ALOX5: variants seen among roughly 807,000 people sequenced by gnomAD.
ALOX5 encodes arachidonate 5-lipoxygenase, also known as polyunsaturated fatty acid 5-lipoxygenase.
A neutral mutation model predicts 87.9 loss-of-function variants in ALOX5; 64 were observed. That is an observed-to-expected ratio of 0.73 (90% CI 0.60 to 0.90). The LOEUF (loss-of-function observed/expected upper bound fraction) is 0.90, where lower values mean the gene tolerates loss of function less well. Among genes scored for constraint, ALOX5 ranks in the 40% least tolerant of loss-of-function variants. The pLI, the probability that ALOX5 is intolerant of heterozygous loss-of-function variation, is 0.00. For synonymous variants in ALOX5, 388 were observed against 355.1 expected, an observed-to-expected ratio of 1.09 and a Z score of -1.04; for missense variants, 822 against 907.5, an observed-to-expected ratio of 0.91 and a Z score of 1.21.
chr10:45,443,632 C>T (rs1399788587), intron 11 of ALOX5, 95 bp downstream of exon 11: 2 of 1,594,444 alleles, frequency 1.3e-6, no homozygotes, highest in African/African-American at 1.3e-5. Context: ...CCAGGGTGCC[C>T]TCCGGCCTTG....
rs776084947 is a variant in ALOX5, at chr10:45,444,230, C to G, written c.1789C>G (p.Arg597Gly). The G allele has an allele frequency of 6.4e-7, 1 of 1,554,980 alleles. No homozygotes were observed. Among genetic ancestry groups the G allele is most frequent in the South Asian group, 1.2e-5 (1 of 84,388 alleles). The stretch of plus-strand genomic sequence containing the variant: ...CGTGGACACGCTGCCCGACCGCGGC[C>G]GCTCCTGCTGGCATCTGGGTGCAGT... The part of the protein sequence containing the change: ...QIVDTLPDRG[R>G]SCWHLGAVWA... Residue 597 changes from arginine (R) to glycine (G), a missense_variant, in exon 13 of 14, where the codon CGC becomes GGC. Transcript: ENST00000374391.
rs867140835 is a variant in ALOX5 at position 45,382,570 on chromosome 10, G to T, written c.238G>T (p.Asp80Tyr). The T allele has an allele frequency of 2.5e-6, 4 of 1,614,054 alleles. No individual in the cohort carries two copies. The highest frequency in any genetic ancestry group is 8.5e-7 in the Non-Finnish European group (1 of 1,180,050). Residue 80 changes from aspartate (D) to tyrosine (Y), a missense_variant, in exon 2 of 14, where the codon GAC becomes TAC. Asp to Tyr is a radical substitution (Grantham distance 160). Transcript: ENST00000374391. Reference sequence around the variant, plus strand: ...GAAGCGCAAGTACTGGCTGAATGACGACTGGTACCTGAAGTACATCACGCT... The same window carrying T: ...GAAGCGCAAGTACTGGCTGAATGACTACTGGTACCTGAAGTACATCACGCT... ...IEKRKYWLND[D>Y]WYLKYITLKT... is the part of the protein sequence containing the mutation.
chr10:45,394,170 A>G (rs1050186897), intron 2 of ALOX5, among the ~76,000 whole-genome samples: 7 of 152,218 alleles, frequency 4.6e-5, no homozygotes, highest in South Asian at 2.1e-4. Context: ...CAAAAGAACA[A>G]AGCTGGAGGC....
chr10:45,443,603 C>A lies in ALOX5; in HGVS notation c.1573+66C>A, dbSNP rs1006606881. The stretch of plus-strand genomic sequence containing the variant: ...GTCGGCAGCGCTGGCCCCTCCGCCA[C>A]CCCTCCGGGGTGTCCTGCCCAGGGT... On this transcript the variant is annotated intron_variant, in intron 11 of 13. Transcript: ENST00000374391. 4 of 1,595,248 alleles carry A rather than the reference C, an allele frequency of 2.5e-6. No homozygotes were observed. In the South Asian group the frequency reaches 3.4e-5, roughly 13 times the overall value.
intron 7 of ALOX5, among the ~76,000 whole-genome samples, chr10:45,432,256 A>T (rs542636240): frequency 1.3e-5 from 2 of 151,416 alleles, no homozygotes; most frequent in Admixed American, 1.3e-4. Flanking sequence ...ACTGCTCAGG[A>T]GGCTGAGGTG....
chr10:45,439,592 G>A (rs1298111654), intron 7 of ALOX5, among the ~76,000 whole-genome samples: 1 of 152,238 alleles, frequency 6.6e-6, no homozygotes, highest in African/African-American at 2.4e-5. Context: ...GTGCAGGGCT[G>A]CTGGCATGGA....
intron 7 of ALOX5, among the ~76,000 whole-genome samples, chr10:45,438,557 A>G (rs569622603): frequency 2.7e-5 from 4 of 150,850 alleles, no homozygotes; most frequent in African/African-American, 9.8e-5. Flanking sequence ...AACATGTCAG[A>G]GCATGTGGGG....
At chr10:45,399,036 A>G (rs923695103) in intron 3 of ALOX5, among the ~76,000 whole-genome samples, 2 of 152,252 alleles carry the variant, frequency 1.3e-5, no homozygotes, top group African/African-American at 2.4e-5. Flanking sequence ...ACCTGTAACT[A>G]TCAAAAAGTG....
chr10:45,412,041 G>C, intron 3 of ALOX5, 150 bp from the exon 4 acceptor site: 1 of 1,185,976 alleles, frequency 8.4e-7, no homozygotes, highest in Non-Finnish European at 1.2e-6. Context: ...AACCTTACTG[G>C]ACACAGGGTC....
chr10:45,376,573 G>A (rs759497084), intron 1 of ALOX5, among the ~76,000 whole-genome samples: 7 of 152,150 alleles, frequency 4.6e-5, no homozygotes, highest in Admixed American at 3.3e-4. Flanking sequence ...AGAAGACAAG[G>A]TTATCCCATT....
At chr10:45,428,378 A>G (rs2132817470) in intron 6 of ALOX5, 1 of 552,450 alleles carries the variant, frequency 1.8e-6, no homozygotes, top group Middle Eastern at 4.7e-4. Context: ...GGTTTCAGAC[A>G]CCACAAATGC....
chr10:45,379,049 AC>A (rs1839735557), intron 1 of ALOX5, among the ~76,000 whole-genome samples: 2 of 151,832 alleles, frequency 1.3e-5, no homozygotes, highest in South Asian at 4.2e-4. Flanking sequence ...CTGGAGGGTC[AC>A]CCCACTGTCC....
chr10:45,382,462 A>T, intron 1 of ALOX5, 21 bp from the exon 2 acceptor site: 1 of 1,613,944 alleles, frequency 6.2e-7, no homozygotes, highest in Non-Finnish European at 8.5e-7. Context: ...GCATGGCCTG[A>T]TTGCCTGTTC....
intron 3 of ALOX5, among the ~76,000 whole-genome samples, chr10:45,404,343 T>C (rs1840802834): frequency 2.0e-5 from 3 of 152,324 alleles, no homozygotes; most frequent in South Asian, 4.1e-4. Flanking sequence ...GTCCACACTA[T>C]GTCAGAAAGC....
chr10:45,443,369 C>A (rs1842307881), intron 10 of ALOX5, 47 bp from the exon 11 acceptor site: 1 of 1,596,222 alleles, frequency 6.3e-7, no homozygotes, highest in Non-Finnish European at 8.5e-7. Context: ...GGCACCGCTC[C>A]GCAGACCTGG....
At chr10:45,380,912 A>G (rs1341866197) in intron 1 of ALOX5, among the ~76,000 whole-genome samples, 1 of 152,266 alleles carries the variant, frequency 6.6e-6, no homozygotes, top group East Asian at 1.9e-4. Flanking sequence ...ACTGCACTCC[A>G]GCCTGAGCAA....
chr10:45,400,873 A>ATGAT (rs1840675945), intron 3 of ALOX5, among the ~76,000 whole-genome samples: 1 of 145,624 alleles, frequency 6.9e-6, no homozygotes, highest in African/African-American at 2.8e-5. Flanking sequence ...TTGGGTTATA[A>ATGAT]TGATGGTTAC....
intron 2 of ALOX5, among the ~76,000 whole-genome samples, chr10:45,384,498 G>C (rs1231044517): frequency 1.3e-5 from 2 of 152,202 alleles, no homozygotes; most frequent in African/African-American, 2.4e-5. Context: ...AGCTGAAGGG[G>C]GCTGGGCCTT....
intron 2 of ALOX5, among the ~76,000 whole-genome samples, chr10:45,391,792 T>A (rs1488276280): frequency 6.7e-6 from 1 of 149,226 alleles, no homozygotes; most frequent in Non-Finnish European, 1.5e-5. Context: ...CCGCCCTGTC[T>A]GAGAAGTGAG....
Sources: gnomAD v4.1 joint callset for allele counts (sites outside exome capture counted in the v4.1 genomes callset) on GRCh38, gnomAD v4.1.1 for gene constraint, MANE v1.5 for transcripts, NCBI Gene and HGNC (gene_info 2026-07-23, HGNC 2026-07-21) for gene names.